The following HEMK2 variants were observed in gnomAD, a reference collection of about 807,000 sequenced individuals.
HEMK2 encodes HemK methyltransferase 2, ETF1 glutamine and histone H4 lysine, also known as methyltransferase HEMK2.
the HEMK2 span, among the ~76,000 whole-genome samples, chr21:28,785,435 A>T: frequency 3.3e-5 from 5 of 152,212 alleles, no homozygotes; most frequent in Non-Finnish European, 5.9e-5. Context: ...TACTGCTAGC[A>T]CTTACCCCAT....
the HEMK2 span, among the ~76,000 whole-genome samples, chr21:28,677,439 C>T: frequency 6.6e-6 from 1 of 152,192 alleles, no homozygotes; most frequent in Non-Finnish European, 1.5e-5. Flanking sequence ...CTCAAGGAGG[C>T]CTGCCTGGCT....
the HEMK2 span, among the ~76,000 whole-genome samples, chr21:28,852,571 T>C: frequency 4.6e-5 from 7 of 152,166 alleles, no homozygotes; most frequent in Non-Finnish European, 7.4e-5. Context: ...AGAGGTGTCC[T>C]TGGGAAATGA....
At chr21:28,645,687 G>C in the HEMK2 span, among the ~76,000 whole-genome samples, 2 of 152,158 alleles carry the variant, frequency 1.3e-5, no homozygotes, top group African/African-American at 4.8e-5. Flanking sequence ...TTTGGGAGTT[G>C]ATCAGGTCAT....
At chr21:28,734,826 G>A in the HEMK2 span, among the ~76,000 whole-genome samples, 1 of 152,190 alleles carries the variant, frequency 6.6e-6, no homozygotes, top group African/African-American at 2.4e-5. Context: ...TTATATCAAT[G>A]AGATATTGCT....
the HEMK2 span, among the ~76,000 whole-genome samples, chr21:28,823,651 T>G: frequency 6.6e-6 from 1 of 152,298 alleles, no homozygotes; most frequent in South Asian, 2.1e-4. Context: ...TACTGAGCTC[T>G]TATATTACCT....
the HEMK2 span, among the ~76,000 whole-genome samples, chr21:28,620,872 C>T: frequency 1.3e-5 from 2 of 151,632 alleles, no homozygotes; most frequent in Non-Finnish European, 2.9e-5. Context: ...CAGGGTTTCA[C>T]CATGTTGGCC....
chr21:28,651,634 A>G, the HEMK2 span, among the ~76,000 whole-genome samples: 1 of 152,206 alleles, frequency 6.6e-6, no homozygotes, highest in African/African-American at 2.4e-5. Flanking sequence ...AATTGATATA[A>G]TATCTTGCAT....
At chr21:28,877,302 G>GGAAGGAAGAGAGAA in the HEMK2 span, among the ~76,000 whole-genome samples, 1 of 43,914 alleles carries the variant, frequency 2.3e-5, no homozygotes, top group Non-Finnish European at 6.5e-5. Flanking sequence ...GGAAGGAAGA[G>GGAAGGAAGAGAGAA]AGAGAGAAAG....
the HEMK2 span, among the ~76,000 whole-genome samples, chr21:28,697,396 T>C: frequency 6.6e-6 from 1 of 152,146 alleles, no homozygotes; most frequent in African/African-American, 2.4e-5. Flanking sequence ...AGGTTCCTCA[T>C]CTCCATCTGA....
At chr21:28,883,267 T>G in the HEMK2 span, among the ~76,000 whole-genome samples, 2 of 152,314 alleles carry the variant, frequency 1.3e-5, no homozygotes, top group East Asian at 3.9e-4. Flanking sequence ...TACTAATATT[T>G]TGGGTACGTA....
chr21:28,798,409 C>A, the HEMK2 span, among the ~76,000 whole-genome samples: 1 of 152,048 alleles, frequency 6.6e-6, no homozygotes, highest in Admixed American at 6.6e-5. Flanking sequence ...ATAGGCATAC[C>A]CACCCCATAG....
the HEMK2 span, among the ~76,000 whole-genome samples, chr21:28,611,401 T>C: frequency 6.6e-6 from 1 of 152,090 alleles, no homozygotes; most frequent in Admixed American, 6.6e-5. Context: ...CTGCAACCGA[T>C]ATTACAACTG....
chr21:28,817,203 G>A, the HEMK2 span, among the ~76,000 whole-genome samples: 3 of 152,092 alleles, frequency 2.0e-5, no homozygotes, highest in Non-Finnish European at 2.9e-5. Context: ...AATTCACATT[G>A]AACCTAGAAT....
chr21:28,742,891 T>C, the HEMK2 span, among the ~76,000 whole-genome samples: 1 of 152,226 alleles, frequency 6.6e-6, no homozygotes, highest in Non-Finnish European at 1.5e-5. Flanking sequence ...AAATTTTCTC[T>C]GTGGTCACGG....
the HEMK2 span, among the ~76,000 whole-genome samples, chr21:28,633,887 G>A: frequency 1.1e-4 from 17 of 152,162 alleles, no homozygotes; most frequent in East Asian, 1.9e-4. Flanking sequence ...CCAGGAAAAC[G>A]TTAGGGCGGT....
the HEMK2 span, among the ~76,000 whole-genome samples, chr21:28,630,752 G>A: frequency 7.3e-6 from 1 of 137,878 alleles, no homozygotes; most frequent in Non-Finnish European, 1.5e-5. Context: ...ACACAGGAAG[G>A]GGAACATCAC....
the HEMK2 span, among the ~76,000 whole-genome samples, chr21:28,657,772 G>C: frequency 6.6e-6 from 1 of 151,894 alleles, no homozygotes; most frequent in Non-Finnish European, 1.5e-5. Flanking sequence ...TGCCAACCAG[G>C]AAAAATAACT....
the HEMK2 span, among the ~76,000 whole-genome samples, chr21:28,878,721 A>C: frequency 6.6e-6 from 1 of 151,758 alleles, no homozygotes. Flanking sequence ...TTAATAAGTT[A>C]TTACTATTAA....
At chr21:28,732,535 T>A in the HEMK2 span, among the ~76,000 whole-genome samples, 1 of 152,180 alleles carries the variant, frequency 6.6e-6, no homozygotes, top group Non-Finnish European at 1.5e-5. Context: ...GACATCACTA[T>A]CAATTTCCCT....
Sources: allele counts gnomAD v4.1 joint callset (sites outside exome capture counted in the v4.1 genomes callset), GRCh38; gene constraint gnomAD v4.1.1; transcripts MANE v1.5; gene names NCBI Gene and HGNC (gene_info 2026-07-23, HGNC 2026-07-21).